The following PHACTR3 variants were observed in gnomAD, a reference collection of about 807,000 sequenced individuals.
PHACTR3 encodes the protein phosphatase and actin regulator 3.
A neutral mutation model predicts 66.8 loss-of-function variants in PHACTR3; 16 were observed. The ratio of observed to expected loss-of-function variants is 0.24; its 90% CI spans 0.16 to 0.36. The LOEUF (loss-of-function observed/expected upper bound fraction) is 0.36. Ranked by LOEUF, PHACTR3 falls within the 10% of genes least tolerant of loss-of-function variation. The pLI, the probability that PHACTR3 is intolerant of heterozygous loss-of-function variation, is 1.00. For synonymous variants in PHACTR3, 323 were observed against 292.1 expected (o/e 1.11, Z -1.08); for missense variants, 647 against 719.9 (o/e 0.90, Z 1.16).
rs565035798 is a variant in PHACTR3 at position 59,683,033 on chromosome 20, C to T, written c.119-60074C>T. On this transcript the variant is annotated intron_variant, in intron 1 of 12. Transcript: ENST00000371015. ...CTAGCAGTCATTGCTGCAATCCAGG[C>T]GGGAGATGATGCTAACTGGCCACAG... Among the ~76,000 whole-genome samples the T allele has an allele frequency of 2.6e-5, 4 of 152,234 alleles. No individual in the cohort carries two copies. The South Asian group carries it at 6.2e-4, about 24-fold the overall frequency.
intron 1 of PHACTR3, among the ~76,000 whole-genome samples, chr20:59,583,906 C>G (rs2032937103): frequency 6.6e-6 from 1 of 152,218 alleles, no homozygotes; most frequent in East Asian, 1.9e-4. Context: ...TTAGGTGCAC[C>G]AGTCACCAGG....
chr20:59,619,684 T>C (rs1176246475), intron 1 of PHACTR3, among the ~76,000 whole-genome samples: 3 of 152,188 alleles, frequency 2.0e-5, no homozygotes, highest in African/African-American at 7.2e-5. Context: ...TGGGTGTTAT[T>C]TGAAGCCAGT....
intron 1 of PHACTR3, among the ~76,000 whole-genome samples, chr20:59,633,396 CAG>C (rs2034738487): frequency 6.6e-6 from 1 of 152,118 alleles, no homozygotes; most frequent in Non-Finnish European, 1.5e-5. Context: ...CAAACTAACA[CAG>C]GAACAGAAAA....
chr20:59,621,419 C>T (rs1351914606), intron 1 of PHACTR3, among the ~76,000 whole-genome samples: 1 of 152,246 alleles, frequency 6.6e-6, no homozygotes, highest in Admixed American at 6.5e-5. Flanking sequence ...CCATGTCAGC[C>T]TGGCACATCT....
At chr20:59,840,327 TTC>T (rs907991944) in intron 9 of PHACTR3, 40 bp from the exon 10 acceptor site, 3 of 1,596,466 alleles carry the variant, frequency 1.9e-6, no homozygotes, top group Non-Finnish European at 2.6e-6. Flanking sequence ...TTCAACCTGT[TTC>T]TCTTTGTTAT....
chr20:59,706,461 T>C (rs1307132858), intron 1 of PHACTR3, among the ~76,000 whole-genome samples: 1 of 152,190 alleles, frequency 6.6e-6, no homozygotes, highest in African/African-American at 2.4e-5. Context: ...TGGGGACACA[T>C]GGCACTGTGA....
chr20:59,722,436 G>A (rs759236816), intron 1 of PHACTR3, among the ~76,000 whole-genome samples: 4 of 152,108 alleles, frequency 2.6e-5, no homozygotes, highest in Admixed American at 6.5e-5. Flanking sequence ...AACAGGGCAC[G>A]ATCAGGGACT....
intron 1 of PHACTR3, chr20:59,628,751 T>C: frequency 4.1e-6 from 4 of 985,528 alleles, no homozygotes; most frequent in Non-Finnish European, 4.8e-6. Context: ...GATGGATTTG[T>C]GGGACCCTGG....
chr20:59,805,225 C>T (rs2058878685), intron 7 of PHACTR3, among the ~76,000 whole-genome samples: 1 of 152,222 alleles, frequency 6.6e-6, no homozygotes, highest in African/African-American at 2.4e-5. Flanking sequence ...ATACCTTCCT[C>T]TCATGCTGTT....
chr20:59,685,461 T>C (rs2036828912), intron 1 of PHACTR3, among the ~76,000 whole-genome samples: 3 of 152,310 alleles, frequency 2.0e-5, no homozygotes, highest in Admixed American at 2.0e-4. Flanking sequence ...AAGATGGTGG[T>C]GTTGAAAGGA....
intron 7 of PHACTR3, among the ~76,000 whole-genome samples, chr20:59,775,227 C>G (rs925857045): frequency 6.6e-6 from 1 of 152,152 alleles, no homozygotes; most frequent in Admixed American, 6.5e-5. Flanking sequence ...CCAGCTGGTA[C>G]TGGCTGTGCG....
At chr20:59,832,599 A>G (rs2042415609) in intron 8 of PHACTR3, among the ~76,000 whole-genome samples, 1 of 152,158 alleles carries the variant, frequency 6.6e-6, no homozygotes, top group South Asian at 2.1e-4. Context: ...ATGCAAATCT[A>G]GTCCTGGCAC....
intron 3 of PHACTR3, among the ~76,000 whole-genome samples, chr20:59,752,351 G>C (rs893719963): frequency 6.6e-6 from 1 of 152,184 alleles, no homozygotes; most frequent in Non-Finnish European, 1.5e-5. Context: ...ACTGCCCCGC[G>C]CTCCCCTCTG....
intron 3 of PHACTR3, 48 bp from the exon 4 acceptor site, chr20:59,755,134 T>C (rs1263358868): frequency 1.3e-6 from 2 of 1,573,500 alleles, no homozygotes; most frequent in Non-Finnish European, 8.6e-7. Context: ...ACGGAAGGGA[T>C]GAAGGAAGGG....
Position 59,736,220 on chromosome 20 carries a change from T to C in PHACTR3, c.119-6887T>C, listed in dbSNP as rs1027788572. ...GGTGTGACAGACATTTCCCATTAAT[T>C]AACCTCTAATGCCTCAGAGGTGGCA... is the stretch of plus-strand genomic sequence containing the variant. On this transcript the variant is annotated intron_variant, in intron 1 of 12. Transcript: ENST00000371015. The surrounding 1 kb of genome is among the most constrained non-coding windows in gnomAD (Gnocchi z 4.6). 6.6e-6 allele frequency among the ~76,000 whole-genome samples: 1 copy of C among 152,136 alleles called. No homozygotes were observed. The highest frequency in any genetic ancestry group is 2.4e-5 in the African/African-American group (1 of 41,442).
intron 7 of PHACTR3, among the ~76,000 whole-genome samples, chr20:59,797,701 A>G (rs1181193552): frequency 6.6e-6 from 1 of 152,192 alleles, no homozygotes; most frequent in Non-Finnish European, 1.5e-5. Flanking sequence ...ATTGGCTGCC[A>G]AATACTTTTT....
intron 7 of PHACTR3, among the ~76,000 whole-genome samples, chr20:59,792,508 T>C (rs1378318501): frequency 6.6e-6 from 1 of 152,238 alleles, no homozygotes; most frequent in Non-Finnish European, 1.5e-5. Flanking sequence ...TTTAATTTCA[T>C]GTAAAGAACT....
chr20:59,730,902 C>A (rs1273331718), intron 1 of PHACTR3, among the ~76,000 whole-genome samples: 1 of 152,090 alleles, frequency 6.6e-6, no homozygotes, highest in Non-Finnish European at 1.5e-5. Flanking sequence ...TATTATTTGG[C>A]CCCTTACAGA....
chr20:59,643,975 G>A (rs190654882), intron 1 of PHACTR3, among the ~76,000 whole-genome samples: 14 of 152,334 alleles, frequency 9.2e-5, no homozygotes, highest in Admixed American at 9.1e-4. Context: ...AGGTGGAGCA[G>A]AGGGCTCAGG....
Sources: allele counts gnomAD v4.1 joint callset (sites outside exome capture counted in the v4.1 genomes callset), GRCh38; gene constraint gnomAD v4.1.1; non-coding constraint Gnocchi (gnomAD v3.1); transcripts MANE v1.5; gene names NCBI Gene and HGNC (gene_info 2026-07-23, HGNC 2026-07-21).